ZNF496: variants seen among roughly 807,000 people sequenced by gnomAD.
ZNF496 encodes the protein zinc finger protein 496.
A neutral mutation model predicts 58.9 loss-of-function variants in ZNF496; 11 were observed. The ratio of observed to expected loss-of-function variants is 0.19; its 90% CI spans 0.12 to 0.31. The LOEUF is 0.31. Ranked by LOEUF, ZNF496 falls within the 10% of genes least tolerant of loss-of-function variation. ZNF496 has a pLI of 1.00. For synonymous variants in ZNF496, 338 were observed against 318.2 expected (o/e 1.06, Z -0.66); for missense variants, 660 against 783.0 (o/e 0.84, Z 1.88).
At chr1:247,310,245 G>A (rs866266972) in intron 7 of ZNF496, 79 bp downstream of exon 7, 6 of 1,588,788 alleles carry the variant, frequency 3.8e-6, no homozygotes, top group African/African-American at 1.3e-5. Flanking sequence ...CCTATGGGAC[G>A]AAGTTGACTC....
At chr1:247,316,216 CGTGTGTGTGTGTGT>C (rs67737658) in intron 6 of ZNF496, among the ~76,000 whole-genome samples, 1 of 90,618 alleles carries the variant, frequency 1.1e-5, no homozygotes, top group Non-Finnish European at 2.4e-5. Context: ...CGCGCGTGCG[CGTGTGTGTGTGTGT>C]GTGTGTGAGC....
intron 6 of ZNF496, among the ~76,000 whole-genome samples, chr1:247,314,829 C>A (rs1351258247): frequency 6.6e-6 from 1 of 152,134 alleles, no homozygotes; most frequent in Admixed American, 6.5e-5. Flanking sequence ...TCACGGCAAC[C>A]GCTGCTTCCC....
At chr1:247,327,793 C>T (rs762363174) in intron 5 of ZNF496, among the ~76,000 whole-genome samples, 77 of 77,098 alleles carry the variant, frequency 1.0e-3, no homozygotes, top group Non-Finnish European at 1.9e-3. Context: ...GCAAGTCCAC[C>T]CAGAGTCATA....
chr1:247,307,733 A>G, intron 9 of ZNF496: 1 of 985,408 alleles, frequency 1.0e-6, no homozygotes, highest in Non-Finnish European at 1.2e-6. Context: ...GGTAGAAGAG[A>G]TAATATGTGT....
chr1:247,308,160 C>T lies in ZNF496; in HGVS notation c.1006+315G>A, dbSNP rs1174209958. The T allele has an allele frequency of 8.4e-6, 3 of 355,162 alleles. No homozygotes were observed. Among genetic ancestry groups the T allele is most frequent in the African/African-American group, 4.4e-5 (2 of 45,214 alleles). The allele number at this position is 355,162 out of a possible 1,614,324, so 22.0% of individuals were successfully genotyped here. On this transcript the variant is annotated intron_variant, in intron 9 of 9. Transcript: ENST00000682384. This position sits in a 1 kb window ranked among gnomAD's most constrained non-coding sequence, Gnocchi z 4.5. ...TTGGGAGTGAGCTGGAGAATGACCC[C>T]AGCACAACGGAATCAGGGCAAGCAG...
At chr1:247,320,411 A>ATTC (rs1659926698) in intron 6 of ZNF496, among the ~76,000 whole-genome samples, 1 of 152,364 alleles carries the variant, frequency 6.6e-6, no homozygotes, top group East Asian at 1.9e-4. Flanking sequence ...TTTATATAAC[A>ATTC]TTCTTGAAAT....
chr1:247,328,719 G>A lies in ZNF496; in HGVS notation c.538C>T (p.Pro180Ser). Residue 180 changes from proline to serine, a missense_variant, in exon 5 of 10, where the codon CCA becomes TCA. By Grantham distance (74) the Pro-to-Ser change is moderately conservative. Coordinates refer to ENST00000682384, the MANE Select transcript of ZNF496 (RefSeq NM_032752.3). ...PITLAQCLGL[P>S]SRPPSQLSGD... ...CTGAGCTGGCTTGGTGGTCTGCTTGGGAGCCCCAGGCACTGTGCCAGGGTT... is the reference window on the plus strand; with the variant it reads ...CTGAGCTGGCTTGGTGGTCTGCTTGAGAGCCCCAGGCACTGTGCCAGGGTT... 1.2e-6 allele frequency: 2 copies of A among 1,606,352 alleles called. No homozygotes were observed. Among genetic ancestry groups the A allele is most frequent in the Middle Eastern group, 1.7e-4 (1 of 6,010 alleles).
At chr1:247,328,438 C>G (rs1444563386) in intron 5 of ZNF496, among the ~76,000 whole-genome samples, 1 of 152,172 alleles carries the variant, frequency 6.6e-6, no homozygotes, top group African/African-American at 2.4e-5. Context: ...CTCAGTGACA[C>G]CCACCTACAG....
Position 247,308,684 on chromosome 1 carries a change from G to A in ZNF496, c.893-96C>T. 3 of 1,147,252 alleles carry A rather than the reference G, an allele frequency of 2.6e-6. No homozygotes were observed. Among genetic ancestry groups the A allele is most frequent in the African/African-American group, 3.0e-5 (2 of 65,652 alleles). The allele number at this position is 1,147,252 out of a possible 1,614,324, so 71.1% of individuals were successfully genotyped here. ...GAATAGATGCCAGGCTACGATCTGG[G>A]GGCGGCCCTGGGCTCCGTCCTGGGG... On this transcript the variant is annotated intron_variant, in intron 8 of 9. Coordinates refer to ENST00000682384, the MANE Select transcript of ZNF496 (RefSeq NM_032752.3). This position sits in a 1 kb window ranked among gnomAD's most constrained non-coding sequence, Gnocchi z 4.5.
chr1:247,321,171 A>G (rs2103028614), intron 6 of ZNF496, among the ~76,000 whole-genome samples: 1 of 151,998 alleles, frequency 6.6e-6, no homozygotes, highest in South Asian at 2.1e-4. Context: ...GCAAGACTCC[A>G]TCTCGGGGGA....
At chr1:247,314,035 C>T (rs1263863130) in intron 6 of ZNF496, among the ~76,000 whole-genome samples, 1 of 151,984 alleles carries the variant, frequency 6.6e-6, no homozygotes, top group African/African-American at 2.4e-5. Flanking sequence ...GGGAATGTGT[C>T]AAAAACCTGA....
At chr1:247,302,537 G>T (rs1659280359) in intron 9 of ZNF496, among the ~76,000 whole-genome samples, 1 of 151,946 alleles carries the variant, frequency 6.6e-6, no homozygotes, top group South Asian at 2.1e-4. Context: ...TGCCCAGGCT[G>T]GTCTCAAACT....
chr1:247,305,166 G>C (rs1203312274), intron 9 of ZNF496, among the ~76,000 whole-genome samples: 5 of 152,106 alleles, frequency 3.3e-5, no homozygotes, highest in Non-Finnish European at 7.4e-5. Context: ...CCCACATATG[G>C]TGGGAGGCCG....
At chr1:247,324,891 A>C (rs1235273726) in intron 5 of ZNF496, among the ~76,000 whole-genome samples, 1 of 152,246 alleles carries the variant, frequency 6.6e-6, no homozygotes, top group Non-Finnish European at 1.5e-5. Context: ...ATTTTGGGCT[A>C]CCAGGGACTC....
intron 5 of ZNF496, among the ~76,000 whole-genome samples, chr1:247,326,973 CTTG>C (rs1244482792): frequency 5.9e-5 from 9 of 152,132 alleles, no homozygotes; most frequent in African/African-American, 2.2e-4. Flanking sequence ...TGGCACAAAG[CTTG>C]TTGTCAGCTT....
intron 9 of ZNF496, among the ~76,000 whole-genome samples, chr1:247,301,952 C>T (rs1430793249): frequency 3.9e-5 from 6 of 152,180 alleles, no homozygotes; most frequent in African/African-American, 2.4e-5. Context: ...CCAGTAGCAC[C>T]GCATTTCTGA....
chr1:247,301,098 G>A lies in ZNF496; in HGVS notation c.1185C>T (p.Ala395=), dbSNP rs202183052. Residue 395 remains alanine (A), a synonymous_variant, in exon 10 of 10, where the codon GCC becomes GCT. Transcript: ENST00000682384. ...LPASHRSSTE[A]GGEVQTSKKS... is the part of the protein sequence containing the mutation. ...TCTTGGAGGTCTGCACCTCGCCTCC[G>A]GCCTCGGTGCTGCTCCGGTGGGAGG... 1.3e-5 allele frequency: 21 copies of A among 1,613,794 alleles called. No individual in the cohort carries two copies. In the South Asian group the frequency reaches 2.1e-4, roughly 16 times the overall value.
intron 6 of ZNF496, among the ~76,000 whole-genome samples, chr1:247,315,930 CG>C (rs1298166915): frequency 6.6e-6 from 1 of 152,020 alleles, no homozygotes; most frequent in African/African-American, 2.4e-5. Flanking sequence ...ATCTGCTGCT[CG>C]GAAGAGGTCA....
In ZNF496 at chr1:247,308,618, T is replaced by C; in HGVS notation, c.893-30A>G. The C allele has an allele frequency of 6.2e-7, 1 of 1,602,636 alleles. No individual in the cohort carries two copies. The highest frequency in any genetic ancestry group is 2.2e-5 in the East Asian group (1 of 44,802). On this transcript the variant is annotated intron_variant, in intron 8 of 9. Transcript: ENST00000682384. The surrounding 1 kb of genome is among the most constrained non-coding windows in gnomAD (Gnocchi z 4.5). ...CCAGAGGAGGAAATGGAAAAATTGA[T>C]TTGTTTTGCACCTACAGCACTACCT...
Sources: gnomAD v4.1 joint callset for allele counts (sites outside exome capture counted in the v4.1 genomes callset) on GRCh38, gnomAD v4.1.1 for gene constraint, Gnocchi (gnomAD v3.1) non-coding constraint, MANE v1.5 for transcripts, NCBI Gene and HGNC (gene_info 2026-07-23, HGNC 2026-07-21) for gene names.